MTCL1: variants seen among roughly 807,000 people sequenced by gnomAD.
MTCL1 encodes the protein microtubule crosslinking factor 1, also known as microtubule cross-linking factor 1.
Under a neutral mutation model 141.4 loss-of-function variants are expected in MTCL1, and 79 were observed. That is an observed-to-expected ratio of 0.56 (90% CI 0.47 to 0.67). The LOEUF is 0.67. Among genes scored for constraint, MTCL1 ranks in the 30% least tolerant of loss-of-function variants. MTCL1 has a pLI of 0.00. For synonymous variants in MTCL1, 914 were observed against 875.8 expected, an observed-to-expected ratio of 1.04 and a Z score of -0.77; for missense variants, 2,177 against 2,113.9, an observed-to-expected ratio of 1.03 and a Z score of -0.59.
At chr18:8,715,076 G>T (rs535237680), upstream of MTCL1, among the ~76,000 whole-genome samples, 3 of 152,190 alleles carry the variant, frequency 2.0e-5, no homozygotes, top group Non-Finnish European at 4.4e-5. Context: ...GATTACAGGC[G>T]TGAGCCACCG....
chr18:8,752,557 C>CAT (rs2096377057), intron 4 of MTCL1, among the ~76,000 whole-genome samples: 2 of 152,136 alleles, frequency 1.3e-5, no homozygotes, highest in Admixed American at 6.5e-5. Context: ...TGTCTGCTGT[C>CAT]TTAGAGGGCT....
intron 4 of MTCL1, among the ~76,000 whole-genome samples, chr18:8,728,791 C>G (rs1438713057): frequency 2.6e-5 from 1 of 39,210 alleles, no homozygotes; most frequent in East Asian, 3.1e-3. Flanking sequence ...AGTGCAGTGG[C>G]GTGATTGATC....
At chr18:8,764,239 T>C (rs1301264056) in intron 4 of MTCL1, among the ~76,000 whole-genome samples, 1 of 152,130 alleles carries the variant, frequency 6.6e-6, no homozygotes, top group African/African-American at 2.4e-5. Flanking sequence ...TAATATTGCT[T>C]TTTATGGTTA....
At chr18:8,757,724 T>A (rs1387871849) in intron 4 of MTCL1, among the ~76,000 whole-genome samples, 1 of 152,202 alleles carries the variant, frequency 6.6e-6, no homozygotes. Context: ...TCAGGAGTAT[T>A]GTCATCTAAT....
chr18:8,777,967 G>A (rs1300327514), intron 5 of MTCL1, 75 bp downstream of exon 4: 12 of 1,406,962 alleles, frequency 8.5e-6, no homozygotes, highest in Non-Finnish European at 1.1e-5. Flanking sequence ...TTTTCAGTAA[G>A]TGTTAGCTTT....
intron 16 of MTCL1, chr18:8,831,384 A>G: frequency 7.2e-7 from 1 of 1,382,482 alleles, no homozygotes; most frequent in Non-Finnish European, 9.4e-7. Flanking sequence ...TGCTGTGTTT[A>G]ATCATAATTG....
intron 4 of MTCL1, among the ~76,000 whole-genome samples, chr18:8,747,730 A>C (rs2096347442): frequency 6.6e-6 from 1 of 152,222 alleles, no homozygotes; most frequent in African/African-American, 2.4e-5. Flanking sequence ...CATACAGGAA[A>C]ACAGAGAAGC....
chr18:8,819,634 C>A (rs148341578), intron 13 of MTCL1, among the ~76,000 whole-genome samples: 44 of 152,276 alleles, frequency 2.9e-4, no homozygotes, highest in African/African-American at 7.0e-4. Flanking sequence ...ATGGAGGTCT[C>A]ACTCTCTTGC....
chr18:8,784,304 G>C, exon 6 of MTCL1: 1 of 1,572,550 alleles, frequency 6.4e-7, no homozygotes, highest in Non-Finnish European at 8.7e-7. Context: ...GGAGAGTGAT[G>C]GGGAGGAGAG....
exon 9 of MTCL1, chr18:8,796,371 A>G: frequency 6.2e-7 from 1 of 1,614,232 alleles, no homozygotes; most frequent in Non-Finnish European, 8.5e-7. Flanking sequence ...TTGAAGCAGA[A>G]CATTTTCCTC....
chr18:8,706,323 C>T, exon 1 of MTCL1: 1 of 1,230,280 alleles, frequency 8.1e-7, no homozygotes, highest in Non-Finnish European at 1.0e-6. Context: ...AACCCCTGTC[C>T]GACGAGCAGC....
Position 8,830,029 on chromosome 18 carries a change from C to G in MTCL1, c.*18+1065C>G. 1.0e-6 allele frequency: 1 copy of G among 985,448 alleles called. No individual in the cohort carries two copies. The highest frequency in any genetic ancestry group is 1.2e-6 in the Non-Finnish European group (1 of 830,004). The allele number at this position is 985,448 out of a possible 1,614,324, so 61.0% of individuals were successfully genotyped here. On this transcript the variant is annotated intron_variant, in intron 16 of 16. Transcript: ENST00000359865. The surrounding 1 kb of genome is among the most constrained non-coding windows in gnomAD (Gnocchi z 6.4). ...GATAAACCTATGACAGCAGCTTCAC[C>G]AACACACAACACACACAGAACAGAT...
chr18:8,737,003 G>A lies in MTCL1; in HGVS notation c.357+16507G>A, dbSNP rs952994238. On this transcript the variant is annotated intron_variant, in intron 4 of 16. Coordinates refer to ENST00000359865, the Ensembl canonical transcript of MTCL1. ...TTATGCAAATATTCCTACCTGAGTA[G>A]AAACCTCAGGAGGCATGAGGGGATT... Among the ~76,000 whole-genome samples, 5 of 152,154 alleles carry A rather than the reference G, an allele frequency of 3.3e-5. No individual in the cohort carries two copies. In the East Asian group the frequency reaches 7.7e-4, roughly 23 times the overall value.
intron 4 of MTCL1, among the ~76,000 whole-genome samples, chr18:8,759,452 C>T (rs1207304400): frequency 6.6e-6 from 1 of 152,196 alleles, no homozygotes; most frequent in Non-Finnish European, 1.5e-5. Context: ...ATGATTTCTT[C>T]TGTACAGCTA....
chr18:8,789,536 G>A, intron 7 of MTCL1: 6 of 985,476 alleles, frequency 6.1e-6, no homozygotes, highest in Non-Finnish European at 7.2e-6. Flanking sequence ...TTGTCAATCA[G>A]TGTGGGATGC....
intron 4 of MTCL1, among the ~76,000 whole-genome samples, chr18:8,770,172 TTGG>T (rs370392214): frequency 7.2e-5 from 11 of 152,206 alleles, no homozygotes; most frequent in Non-Finnish European, 1.5e-5. Flanking sequence ...TGGGCCCAGG[TTGG>T]TGGCCCATCT....
rs1448978616 is a variant in MTCL1 at position 8,824,736 on chromosome 18, C to T, written c.3226C>T (p.Leu1076=). The change falls in exon 15 of 17, where the codon CTA becomes TTA. Residue 1076 remains leucine (L), a synonymous_variant. Transcript: ENST00000359865. ...GTCCTCCATGTCTGAGTTCCAGCGTCTAATGGACATCTCCCCCTTCCTGCC... is the reference window on the plus strand; with the variant it reads ...GTCCTCCATGTCTGAGTTCCAGCGTTTAATGGACATCTCCCCCTTCCTGCC... 3.7e-6 allele frequency: 6 copies of T among 1,613,860 alleles called. No homozygotes were observed. In the East Asian group the frequency reaches 1.3e-4, roughly 36 times the overall value.
intron 4 of MTCL1, among the ~76,000 whole-genome samples, chr18:8,767,033 T>C (rs1394638098): frequency 6.6e-6 from 1 of 152,224 alleles, no homozygotes; most frequent in Non-Finnish European, 1.5e-5. Flanking sequence ...TGCCTCTCCC[T>C]GCAGCTTTCA....
chr18:8,764,199 TAAAC>T (rs1223442048), intron 4 of MTCL1, among the ~76,000 whole-genome samples: 3 of 152,202 alleles, frequency 2.0e-5, no homozygotes, highest in South Asian at 2.1e-4. Context: ...TTGAAAATAT[TAAAC>T]AAGAAGAGAA....
Sources: allele counts gnomAD v4.1 joint callset (sites outside exome capture counted in the v4.1 genomes callset), GRCh38; gene constraint gnomAD v4.1.1; non-coding constraint Gnocchi (gnomAD v3.1); transcripts MANE v1.5; gene names NCBI Gene and HGNC (gene_info 2026-07-23, HGNC 2026-07-21).